Variants in CCND3 observed in about 807,000 individuals in gnomAD.
CCND3 encodes the protein cyclin D3, also known as G1/S-specific cyclin-D3.
Under a neutral mutation model 28.7 loss-of-function variants are expected in CCND3, and 9 were observed. The ratio of observed to expected loss-of-function variants is 0.31; its 90% CI spans 0.19 to 0.55. CCND3 has a LOEUF of 0.55. CCND3 is among the 20% of genes least tolerant of loss of function. The pLI, the probability that CCND3 is intolerant of heterozygous loss-of-function variation, is 0.93. For synonymous variants in CCND3, 164 were observed against 163.9 expected, an observed-to-expected ratio of 1.00 and a Z score of 0.00; for missense variants, 315 against 385.8, an observed-to-expected ratio of 0.82 and a Z score of 1.54.
At chr6:41,951,568 AC>A (rs142070027) in intron 1 of CCND3, among the ~76,000 whole-genome samples, 1,227 of 103,062 alleles carry the variant, frequency 0.012, 88 homozygotes, top group Middle Eastern at 0.027. Context: ...ACACACACAC[AC>A]ACACACAAAA....
intron 1 of CCND3, among the ~76,000 whole-genome samples, chr6:41,997,257 T>G (rs546685054): frequency 6.6e-6 from 1 of 152,206 alleles, no homozygotes; most frequent in African/African-American, 2.4e-5. Context: ...TGCACCTTTG[T>G]ATGAAGCAGC....
chr6:41,955,619 C>T (rs1275635046), intron 1 of CCND3, among the ~76,000 whole-genome samples: 1 of 148,974 alleles, frequency 6.7e-6, no homozygotes, highest in African/African-American at 2.5e-5. Context: ...TAAAAGTAAA[C>T]CAGGCAAGCC....
chr6:42,045,763 T>A (rs748623893), intron 1 of CCND3, among the ~76,000 whole-genome samples: 8 of 152,226 alleles, frequency 5.3e-5, no homozygotes, highest in Non-Finnish European at 1.2e-4. Context: ...GATAAACACA[T>A]CTACTGCTCA....
chr6:42,029,212 A>C (rs1215876016), intron 1 of CCND3, among the ~76,000 whole-genome samples: 1 of 151,056 alleles, frequency 6.6e-6, no homozygotes, highest in Non-Finnish European at 1.5e-5. Context: ...GCTGGTCTCG[A>C]GTTCCTGGCC....
chr6:41,964,545 C>G (rs879496856), intron 1 of CCND3, among the ~76,000 whole-genome samples: 2 of 152,060 alleles, frequency 1.3e-5, no homozygotes, highest in African/African-American at 2.4e-5. Context: ...CACATGCACA[C>G]AGTCTTCTTC....
In CCND3 at chr6:42,041,040, CTAT is replaced by C. The variant is rs1011213762; in HGVS notation, c.-46+7458_-46+7460del. The stretch of plus-strand genomic sequence containing the variant: ...CATGGAAGTGTTGTGTAAAGATGCA[CTAT>C]TATTATCACCAACATCTTGAGTGCC... On this transcript the variant is annotated intron_variant, in intron 1 of 4. Coordinates refer to the CCND3 transcript ENST00000372988. 5.6e-4 allele frequency among the ~76,000 whole-genome samples: 85 copies of C among 152,276 alleles called. 1 individual carries two copies. Among genetic ancestry groups the C allele is most frequent in the Admixed American group, 4.2e-3 (64 of 15,286 alleles).
chr6:42,002,412 C>G (rs1267154881), intron 1 of CCND3, among the ~76,000 whole-genome samples: 1 of 148,674 alleles, frequency 6.7e-6, no homozygotes, highest in Non-Finnish European at 1.5e-5. Context: ...TGCACTCCAG[C>G]CTGGGCAACA....
intron 1 of CCND3, among the ~76,000 whole-genome samples, chr6:41,966,303 T>C (rs1223532077): frequency 2.0e-5 from 3 of 152,100 alleles, no homozygotes; most frequent in African/African-American, 7.2e-5. Context: ...TGCATGCCTG[T>C]AGTCCCAGTT....
At chr6:41,946,312 G>A (rs1776166367), upstream of CCND3, among the ~76,000 whole-genome samples, 1 of 151,828 alleles carries the variant, frequency 6.6e-6, no homozygotes, top group South Asian at 2.1e-4. Flanking sequence ...AAAGCACAAA[G>A]TTGGCCGGGC....
At chr6:42,000,234 C>CGTTTTTTTTTTTTTTTTTTTTTTTTTTT (rs1762951898) in intron 1 of CCND3, among the ~76,000 whole-genome samples, 3 of 51,002 alleles carry the variant, frequency 5.9e-5, no homozygotes, top group Non-Finnish European at 9.5e-5. Flanking sequence ...TGAAAACATA[C>CGTTTTTTTTTTTTTTTTTTTTTTTTTTT]TTTTTTTTTT....
At chr6:41,941,934 G>C (rs942649931), upstream of CCND3, 1 of 179,882 alleles carries the variant, frequency 5.6e-6, no homozygotes, top group South Asian at 2.0e-4. The surrounding 1 kb of genome is among the most constrained non-coding windows in gnomAD (Gnocchi z 6.1). Flanking sequence ...TCCCTCCCGC[G>C]GCCCCATTGG....
In CCND3 at chr6:42,048,708, G is replaced by T. The variant is rs563468833; in HGVS notation, c.-253C>A. 18 of 514,626 alleles carry T rather than the reference G, an allele frequency of 3.5e-5. No homozygotes were observed. The East Asian group carries it at 9.9e-4, about 28-fold the overall frequency. The allele number at this position is 514,626 out of a possible 1,614,324, so 31.9% of individuals were successfully genotyped here. On this transcript the variant is annotated 5_prime_UTR_variant, in exon 1 of 5. Coordinates refer to the CCND3 transcript ENST00000372988. This position sits in a 1 kb window ranked among gnomAD's most constrained non-coding sequence, Gnocchi z 4.7. ...GTGTTTACAAAGTCCGCGCCGCGCC[G>T]CCGATCCAGAGCTGGGCAGGAAGTG...
chr6:41,979,045 C>G (rs936238322), intron 1 of CCND3, among the ~76,000 whole-genome samples: 1 of 151,596 alleles, frequency 6.6e-6, no homozygotes, highest in Non-Finnish European at 1.5e-5. Context: ...GTAGTGCATG[C>G]CTGTAATCCG....
chr6:41,941,509 G>A lies in CCND3; in HGVS notation c.141C>T (p.Cys47=), dbSNP rs1229087497. 1 of 1,607,996 alleles carries A rather than the reference G, an allele frequency of 6.2e-7. No homozygotes were observed. ...TGTGCGGCTTGATCTCCCGCTGCAC[G>A]CACTGGAAGTAGGAGGCGCGGGGTA... ...RYVPRASYFQ[C]VQREIKPHMR... The change falls in exon 1 of 5, where the codon TGC becomes TGT. Residue 47 remains cysteine, a synonymous_variant. Transcript: ENST00000372991. This position sits in a 1 kb window ranked among gnomAD's most constrained non-coding sequence, Gnocchi z 6.1.
At chr6:42,039,942 CA>C (rs1314598679) in intron 1 of CCND3, among the ~76,000 whole-genome samples, 1 of 152,248 alleles carries the variant, frequency 6.6e-6, no homozygotes, top group East Asian at 1.9e-4. Context: ...TCAACACCAT[CA>C]CATCTCCGTG....
intron 1 of CCND3, among the ~76,000 whole-genome samples, chr6:42,036,787 A>G (rs537739440): frequency 3.6e-4 from 55 of 152,246 alleles, no homozygotes; most frequent in South Asian, 1.7e-3. Context: ...AACAGATTAA[A>G]TCAGAAACTG....
chr6:42,037,985 T>C (rs946909337), intron 1 of CCND3, among the ~76,000 whole-genome samples: 1 of 149,614 alleles, frequency 6.7e-6, no homozygotes, highest in East Asian at 2.0e-4. Flanking sequence ...GAGCCGAGAT[T>C]GCGCCATTGC....
At chr6:41,954,652 A>G (rs1776398006) in intron 1 of CCND3, among the ~76,000 whole-genome samples, 1 of 151,682 alleles carries the variant, frequency 6.6e-6, no homozygotes, top group African/African-American at 2.4e-5. Context: ...TTCTGCTTCC[A>G]CCTCCCAAAG....
chr6:41,969,438 C>T (rs1224678273), intron 1 of CCND3, among the ~76,000 whole-genome samples: 2 of 152,034 alleles, frequency 1.3e-5, no homozygotes, highest in African/African-American at 4.8e-5. Context: ...ATGGCTTGAA[C>T]CTGGGAGATA....
Sources: gnomAD v4.1 joint callset for allele counts (sites outside exome capture counted in the v4.1 genomes callset) on GRCh38, gnomAD v4.1.1 for gene constraint, Gnocchi (gnomAD v3.1) non-coding constraint, MANE v1.5 for transcripts, NCBI Gene and HGNC (gene_info 2026-07-23, HGNC 2026-07-21) for gene names.